The following CRCP variants were observed in gnomAD, a reference collection of about 807,000 sequenced individuals.
CRCP encodes the protein DNA-directed RNA polymerase III subunit RPC9.
A neutral mutation model predicts 18.5 loss-of-function variants in CRCP; 18 were observed. That is an observed-to-expected ratio of 0.97 (90% CI 0.67 to 1.44). The LOEUF (loss-of-function observed/expected upper bound fraction) is 1.44, where lower values mean the gene tolerates loss of function less well. CRCP is among the 40% of genes most tolerant of loss of function. CRCP has a pLI of 0.00. For synonymous variants in CRCP, 53 were observed against 62.9 expected (o/e 0.84, Z 0.75); for missense variants, 130 against 176.4 (o/e 0.74, Z 1.49).
intron 4 of CRCP, among the ~76,000 whole-genome samples, chr7:66,144,414 T>C (rs1261305956): frequency 6.6e-6 from 1 of 152,220 alleles, no homozygotes; most frequent in Admixed American, 6.5e-5. Context: ...AAGTCAAATT[T>C]GGGAAATATT....
chr7:66,117,222 C>T (rs1435171667), intron 1 of CRCP, among the ~76,000 whole-genome samples: 1 of 151,630 alleles, frequency 6.6e-6, no homozygotes, highest in Non-Finnish European at 1.5e-5. Flanking sequence ...AATACAGAAA[C>T]TCTAGAAACT....
chr7:66,137,825 A>T (rs1318131540), intron 4 of CRCP, among the ~76,000 whole-genome samples: 1 of 152,220 alleles, frequency 6.6e-6, no homozygotes, highest in Non-Finnish European at 1.5e-5. Flanking sequence ...CAGTTGGTGT[A>T]TATAAGTCTC....
At chr7:66,133,673 A>G (rs1787880040) in intron 3 of CRCP, among the ~76,000 whole-genome samples, 1 of 150,988 alleles carries the variant, frequency 6.6e-6, no homozygotes, top group Admixed American at 6.6e-5. Flanking sequence ...TGTTCAAAAT[A>G]TAACACAATT....
At chr7:66,119,374 T>C (rs1041328802) in intron 1 of CRCP, among the ~76,000 whole-genome samples, 3 of 152,194 alleles carry the variant, frequency 2.0e-5, no homozygotes, top group Non-Finnish European at 4.4e-5. Context: ...AATAAACCAG[T>C]AAACCTAAGT....
rs1788546108 is a variant in CRCP at position 66,154,145 on chromosome 7, C to T, written c.*1788C>T. 6.6e-6 allele frequency: 1 copy of T among 150,492 alleles called. No individual in the cohort carries two copies. Among genetic ancestry groups the T allele is most frequent in the African/African-American group, 2.4e-5 (1 of 41,006 alleles). The allele number at this position is 150,492 out of a possible 1,614,324, so 9.3% of individuals were successfully genotyped here. ...GGAGCTGTTGATTTATTTCTCAGGGCATACATGTGCCAATCTGTCTCATTG... is the reference window on the plus strand; with the variant it reads ...GGAGCTGTTGATTTATTTCTCAGGGTATACATGTGCCAATCTGTCTCATTG... On this transcript the variant is annotated 3_prime_UTR_variant, in exon 6 of 6. Transcript: ENST00000395326.
chr7:66,142,427 G>A (rs1480879778), intron 4 of CRCP, among the ~76,000 whole-genome samples: 1 of 152,188 alleles, frequency 6.6e-6, no homozygotes, highest in African/African-American at 2.4e-5. Flanking sequence ...CCAGTTGTCA[G>A]CACAGCTGTC....
rs576222141 is a variant in CRCP, at chr7:66,152,784, G to A, written c.*427G>A. The A allele has an allele frequency of 9.4e-4, 151 of 160,736 alleles. No homozygotes were observed. The highest frequency in any genetic ancestry group is 1.6e-3 in the Non-Finnish European group (117 of 73,132). 10.0% of individuals were successfully genotyped at this position (160,736 alleles called of 1,614,324 possible). ...TGGAAGTCTGGTTAGAGTCCCCAGAGAGTTACTCTAAGTTAAAATGAGCCA... is the reference window on the plus strand; with the variant it reads ...TGGAAGTCTGGTTAGAGTCCCCAGAAAGTTACTCTAAGTTAAAATGAGCCA... On this transcript the variant is annotated 3_prime_UTR_variant, in exon 6 of 6. Transcript: ENST00000395326.
intron 4 of CRCP, among the ~76,000 whole-genome samples, chr7:66,138,718 C>T (rs563000072): frequency 6.7e-6 from 1 of 149,560 alleles, no homozygotes; most frequent in Non-Finnish European, 1.5e-5. Flanking sequence ...GGCGTGAACC[C>T]GGGAGGCAGA....
chr7:66,134,620 T>C (rs1787918089), intron 4 of CRCP: 1 of 288,934 alleles, frequency 3.5e-6, no homozygotes, highest in African/African-American at 2.2e-5. Context: ...CTGCTTATTC[T>C]GCAAAATTAG....
At chr7:66,142,739 C>G (rs555001873) in intron 4 of CRCP, among the ~76,000 whole-genome samples, 1 of 152,238 alleles carries the variant, frequency 6.6e-6, no homozygotes, top group Non-Finnish European at 1.5e-5. Context: ...TCAAGTGATC[C>G]TCCTACTTTA....
chr7:66,124,025 A>G (rs1332674647), intron 1 of CRCP, among the ~76,000 whole-genome samples: 4 of 107,702 alleles, frequency 3.7e-5, no homozygotes, highest in African/African-American at 1.5e-4. Context: ...AGCCTGGGTG[A>G]CAGAGTGAGA....
intron 4 of CRCP, among the ~76,000 whole-genome samples, chr7:66,139,051 A>G (rs554380395): frequency 6.6e-6 from 1 of 152,230 alleles, no homozygotes; most frequent in South Asian, 2.1e-4. Flanking sequence ...ACTGCTGTAC[A>G]GGTCTTTGAG....
intron 1 of CRCP, 137 bp from the exon 2 acceptor site, chr7:66,127,567 C>T: frequency 1.1e-6 from 1 of 920,878 alleles, no homozygotes; most frequent in Middle Eastern, 2.2e-4. Flanking sequence ...TAGGACATTT[C>T]TCAGTTTCAA....
chr7:66,118,236 A>G (rs953686329), intron 1 of CRCP, among the ~76,000 whole-genome samples: 9 of 152,190 alleles, frequency 5.9e-5, no homozygotes, highest in Admixed American at 2.6e-4. Context: ...TCAGCCTCCC[A>G]AAGTGCTGGG....
intron 4 of CRCP, 138 bp from the exon 5 acceptor site, chr7:66,145,305 T>A (rs540039244): frequency 2.5e-6 from 2 of 807,490 alleles, no homozygotes; most frequent in Non-Finnish European, 4.2e-6. Context: ...ATTCTCTCGA[T>A]TTACAGTTGA....
At chr7:66,151,673 CTGTGTGTGTGTGTGTGTGTGTGTGTGTG>C in intron 5 of CRCP, among the ~76,000 whole-genome samples, 2 of 138,588 alleles carry the variant, frequency 1.4e-5, no homozygotes, top group African/African-American at 5.4e-5. Context: ...CCACTTCTCT[CTGTGTGTGTGTGTGTGTGTGTGTGTGTG>C]TGTGTGTGTG....
intron 4 of CRCP, among the ~76,000 whole-genome samples, chr7:66,143,066 C>A (rs1391618721): frequency 6.6e-6 from 1 of 152,160 alleles, no homozygotes; most frequent in Non-Finnish European, 1.5e-5. Context: ...TTGACTCTAT[C>A]TGTTCCCTCA....
chr7:66,133,758 C>G (rs1212053018), intron 3 of CRCP, among the ~76,000 whole-genome samples: 1 of 150,280 alleles, frequency 6.7e-6, no homozygotes, highest in African/African-American at 2.4e-5. Flanking sequence ...TCTTCCTCTT[C>G]TAGCTACTGG....
intron 3 of CRCP, 59 bp downstream of exon 3, chr7:66,130,901 C>T (rs1787781597): frequency 3.3e-6 from 3 of 903,616 alleles, no homozygotes; most frequent in African/African-American, 3.3e-5. Flanking sequence ...GGGGTTTATT[C>T]TCCCAATGAC....
Sources: allele counts gnomAD v4.1 joint callset (sites outside exome capture counted in the v4.1 genomes callset), GRCh38; gene constraint gnomAD v4.1.1; transcripts MANE v1.5; gene names NCBI Gene and HGNC (gene_info 2026-07-23, HGNC 2026-07-21).